The following THSD7B variants were observed in gnomAD, a reference collection of about 807,000 sequenced individuals.
THSD7B encodes thrombospondin type-1 domain-containing protein 7B.
In THSD7B, 138 loss-of-function variants were observed where a neutral mutation model predicts 213.6. That is an observed-to-expected ratio of 0.65 (90% CI 0.56 to 0.74). THSD7B has a LOEUF of 0.74. THSD7B is among the 30% of genes least tolerant of loss of function. The pLI is 0.00. For synonymous variants in THSD7B, 742 were observed against 687.0 expected (o/e 1.08, Z -1.25); for missense variants, 1,931 against 1,991.5 (o/e 0.97, Z 0.58).
chr2:137,662,265 T>G (rs1683364901), intron 25 of THSD7B, among the ~76,000 whole-genome samples: 2 of 144,206 alleles, frequency 1.4e-5, no homozygotes, highest in Non-Finnish European at 3.0e-5. Flanking sequence ...TTTGTATTTT[T>G]GGTAGAGACA....
chr2:137,515,308 C>T (rs562946068), intron 15 of THSD7B, among the ~76,000 whole-genome samples: 10 of 152,296 alleles, frequency 6.6e-5, no homozygotes, highest in African/African-American at 2.4e-4. Flanking sequence ...GCTGCCATCG[C>T]CTTTCCACCT....
intron 3 of THSD7B, among the ~76,000 whole-genome samples, chr2:137,066,536 T>C (rs1687385432): frequency 1.3e-5 from 2 of 152,236 alleles, no homozygotes; most frequent in South Asian, 4.1e-4. Context: ...TTGCATAGTT[T>C]GTGAACAGAA....
intron 7 of THSD7B, among the ~76,000 whole-genome samples, chr2:137,216,815 A>G (rs984826547): frequency 2.0e-5 from 3 of 152,200 alleles, no homozygotes; most frequent in African/African-American, 4.8e-5. Context: ...ACAGTGATAC[A>G]TCATAGGCTC....
chr2:137,486,070 G>C (rs1180250434), intron 15 of THSD7B, among the ~76,000 whole-genome samples: 2 of 152,308 alleles, frequency 1.3e-5, no homozygotes, highest in African/African-American at 4.8e-5. Context: ...ATGAAGGCTA[G>C]GAAGAAACTG....
intron 1 of THSD7B, among the ~76,000 whole-genome samples, chr2:136,766,619 A>G (rs1681401492): frequency 6.6e-6 from 1 of 152,166 alleles, no homozygotes; most frequent in South Asian, 2.1e-4. Flanking sequence ...ATCCCTTTTT[A>G]AAGACAAGAA....
chr2:137,372,108 A>G (rs1685544866), intron 12 of THSD7B, among the ~76,000 whole-genome samples: 1 of 152,114 alleles, frequency 6.6e-6, no homozygotes, highest in Non-Finnish European at 1.5e-5. Flanking sequence ...AAAGCTCCTC[A>G]TGTCAACATA....
chr2:136,837,334 T>C (rs546640496), intron 1 of THSD7B, among the ~76,000 whole-genome samples: 13 of 152,312 alleles, frequency 8.5e-5, no homozygotes, highest in African/African-American at 2.9e-4. Context: ...TTCACTCTGC[T>C]CTAGCCATAG....
chr2:137,094,785 G>A lies in THSD7B; in HGVS notation c.951-88G>A. The A allele has an allele frequency of 2.7e-6, 4 of 1,483,708 alleles. No homozygotes were observed. In the South Asian group the frequency reaches 5.5e-5, roughly 20 times the overall value. The allele number at this position is 1,483,708 out of a possible 1,614,324, so 91.9% of individuals were successfully genotyped here. A position where few individuals can be genotyped will look rare whatever the true frequency, so the allele number is the denominator to read the frequency against. ...TATTAAACGCTTAAATCAAATTTCA[G>A]AGTTTTTTTTCTCATGGTAGGCACT... On this transcript the variant is annotated intron_variant, in intron 3 of 27. Transcript: ENST00000409968.
At chr2:137,233,362 G>A (rs1041226114) in intron 9 of THSD7B, among the ~76,000 whole-genome samples, 5 of 152,004 alleles carry the variant, frequency 3.3e-5, no homozygotes, top group African/African-American at 1.2e-4. Flanking sequence ...ATCAGTTCTT[G>A]GATAAAAATG....
At chr2:137,166,192 G>T (rs1048232590) in intron 6 of THSD7B, among the ~76,000 whole-genome samples, 4 of 152,008 alleles carry the variant, frequency 2.6e-5, no homozygotes, top group Non-Finnish European at 5.9e-5. Flanking sequence ...AACCATGATC[G>T]GCAGGTTGGT....
chr2:136,872,270 T>C (rs146344601), intron 1 of THSD7B, among the ~76,000 whole-genome samples: 313 of 152,116 alleles, frequency 2.1e-3, no homozygotes, highest in African/African-American at 7.4e-3. Context: ...CCATTCTGTC[T>C]TCCTTAGTAG....
At chr2:137,048,387 G>T (rs1024333604) in intron 2 of THSD7B, among the ~76,000 whole-genome samples, 1 of 152,048 alleles carries the variant, frequency 6.6e-6, no homozygotes, top group Non-Finnish European at 1.5e-5. Flanking sequence ...TAAATGTTCT[G>T]TCCACCAAAA....
In THSD7B at chr2:137,119,853, G is replaced by A. The variant is rs926215001; in HGVS notation, c.1369+4560G>A. On this transcript the variant is annotated intron_variant, in intron 5 of 27. Coordinates refer to ENST00000409968, the MANE Select transcript of THSD7B (RefSeq NM_001316349.2). ...ACTATCCAGGAAGTTTTTGAGTTAT[G>A]AAATAAAGTAATTTATATTCTTAGC... Among the ~76,000 whole-genome samples the A allele has an allele frequency of 7.2e-5, 11 of 152,250 alleles. No individual in the cohort carries two copies. In the South Asian group the frequency reaches 2.1e-3, roughly 29 times the overall value.
rs1228918121 is a variant in THSD7B at position 137,663,551 on chromosome 2, T to C, written c.4627T>C (p.Trp1543Arg). The change falls in exon 26 of 28, where the codon TGG (tryptophan) becomes CGG (arginine). Residue 1543 changes from tryptophan to arginine, a missense_variant. Coordinates refer to ENST00000409968, the MANE Select transcript of THSD7B (RefSeq NM_001316349.2). ...AAAAATACATGATATTTTTAAAGGATGGTCTCTTCAACCACTTGATCCAGG... is the reference window on the plus strand; with the variant it reads ...AAAAATACATGATATTTTTAAAGGACGGTCTCTTCAACCACTTGATCCAGG... Reference protein sequence around the residue: ...NSKIHDIFKGWSLQPLDPDGR... With the variant: ...NSKIHDIFKGRSLQPLDPDGR... 4 of 1,608,548 alleles carry C rather than the reference T, an allele frequency of 2.5e-6. No homozygotes were observed. The Admixed American group carries it at 5.0e-5, about 20-fold the overall frequency.
chr2:137,596,225 C>T (rs1226932033), intron 17 of THSD7B, among the ~76,000 whole-genome samples: 2 of 147,148 alleles, frequency 1.4e-5, no homozygotes, highest in Non-Finnish European at 3.0e-5. Flanking sequence ...GGGACAGAGC[C>T]CAGACTGCCT....
rs571478403 is a variant in THSD7B at position 136,922,839 on chromosome 2, A to G, written c.139+40522A>G. ...CCCTCCTATTCTCATGTCAGAGTCC[A>G]CTGATGTCTTTTAACTCTTTCTTGA... On this transcript the variant is annotated intron_variant, in intron 2 of 27. Coordinates refer to ENST00000409968, the MANE Select transcript of THSD7B (RefSeq NM_001316349.2). 7.2e-5 allele frequency among the ~76,000 whole-genome samples: 11 copies of G among 152,254 alleles called. No homozygotes were observed. The East Asian group carries it at 1.2e-3, about 16-fold the overall frequency.
chr2:137,350,441 C>T (rs1463988019), intron 12 of THSD7B, among the ~76,000 whole-genome samples: 1 of 151,700 alleles, frequency 6.6e-6, no homozygotes. Context: ...TGTGGTTAAA[C>T]TAAATCTAGC....
intron 1 of THSD7B, among the ~76,000 whole-genome samples, chr2:136,787,463 T>C (rs1026164043): frequency 1.3e-5 from 2 of 152,180 alleles, no homozygotes; most frequent in Admixed American, 1.3e-4. Flanking sequence ...TAGATGGTAC[T>C]GGATTCTTAT....
At chr2:137,441,766 T>C (rs904318367) in intron 14 of THSD7B, among the ~76,000 whole-genome samples, 1 of 152,120 alleles carries the variant, frequency 6.6e-6, no homozygotes, top group Non-Finnish European at 1.5e-5. Context: ...ATTTTGTCAA[T>C]GTTATCCTAG....
Sources: gnomAD v4.1 joint callset for allele counts (sites outside exome capture counted in the v4.1 genomes callset) on GRCh38, gnomAD v4.1.1 for gene constraint, MANE v1.5 for transcripts, NCBI Gene and HGNC (gene_info 2026-07-23, HGNC 2026-07-21) for gene names.